The following RPL13A variants were observed in gnomAD, a reference collection of about 807,000 sequenced individuals.
RPL13A encodes large ribosomal subunit protein uL13.
Under a neutral mutation model 30.8 loss-of-function variants are expected in RPL13A, and 4 were observed. The observed-to-expected ratio is 0.13, with a 90% CI of 0.06 to 0.30. The LOEUF is 0.30. RPL13A is among the 10% of genes least tolerant of loss of function. The probability of loss-of-function intolerance (pLI) is 1.00; values close to 1 mark genes in which losing one functional copy is unlikely to be tolerated. For synonymous variants in RPL13A, 108 were observed against 104.2 expected, an observed-to-expected ratio of 1.04 and a Z score of -0.22; for missense variants, 196 against 272.6, an observed-to-expected ratio of 0.72 and a Z score of 1.98.
chr19:49,490,223 T>A lies in RPL13A; in HGVS notation c.89-9T>A. The A allele has an allele frequency of 6.2e-7, 1 of 1,613,926 alleles. No individual in the cohort carries two copies. Among genetic ancestry groups the A allele is most frequent in the Non-Finnish European group, 8.5e-7 (1 of 1,179,968 alleles). Reference sequence around the variant, plus strand: ...GGCTCGGCCCTGCTAAGCCTTTCCCTCCCTCTAGGCCGGAAGGTGGTGGTC... The same window carrying A: ...GGCTCGGCCCTGCTAAGCCTTTCCCACCCTCTAGGCCGGAAGGTGGTGGTC... On this transcript the variant is annotated splice_polypyrimidine_tract_variant and intron_variant, in intron 2 of 7. Coordinates refer to ENST00000391857, the MANE Select transcript of RPL13A (RefSeq NM_012423.4).
At chr19:49,490,885 C>T (rs754609854) in intron 5 of RPL13A, 21 bp downstream of exon 5, 2 of 1,613,658 alleles carry the variant, frequency 1.2e-6, no homozygotes, top group South Asian at 1.1e-5. Flanking sequence ...CCAAACCCCA[C>T]AGGCAGCGGC....
chr19:49,491,571 G>A, intron 7 of RPL13A, 24 bp downstream of exon 7: 8 of 1,553,840 alleles, frequency 5.1e-6, no homozygotes, highest in East Asian at 2.4e-5. Context: ...CTGGTGCTGA[G>A]GGGGGCATCT....
At chr19:49,491,336 C>G (rs185778464) in intron 6 of RPL13A, 89 bp from the exon 7 acceptor site, 20 of 1,307,638 alleles carry the variant, frequency 1.5e-5, no homozygotes, top group Non-Finnish European at 1.4e-5. Flanking sequence ...AGTCACCTCC[C>G]AGCTCTCAAC....
rs1170353817 is a variant in RPL13A, at chr19:49,490,864, G to C, written c.342G>C (p.Lys114Asn). Residue 114 changes from lysine to asparagine, a missense_variant and splice_region_variant, in exon 5 of 8, where the codon AAG becomes AAC. Lys to Asn is a moderately conservative substitution (Grantham distance 94). Coordinates refer to ENST00000391857, the MANE Select transcript of RPL13A (RefSeq NM_012423.4). The stretch of plus-strand genomic sequence containing the variant: ...ACGGCATCCCACCGCCCTACGACAA[G>C]GTGAGCTATGCCAAACCCCACAGGC... ...VFDGIPPPYD[K>N]KKRMVVPAAL... The C allele has an allele frequency of 6.2e-7, 1 of 1,614,008 alleles. No homozygotes were observed. Among genetic ancestry groups the C allele is most frequent in the African/African-American group, 1.3e-5 (1 of 74,940 alleles).
intron 6 of RPL13A, 120 bp from the exon 7 acceptor site, chr19:49,491,305 A>G (rs143993178): frequency 8.6e-7 from 1 of 1,167,448 alleles, no homozygotes. Flanking sequence ...GAACAGTTGC[A>G]TTATGATATG....
At chr19:49,491,660 G>A in intron 7 of RPL13A, 69 bp from the exon 8 acceptor site, 1 of 1,580,282 alleles carries the variant, frequency 6.3e-7, no homozygotes, top group Middle Eastern at 1.7e-4. Flanking sequence ...GTTGGGGTGG[G>A]ATGCAGTCCA....
rs778180181 is a variant in RPL13A, at chr19:49,491,048, G to A, written c.351G>A (p.Arg117=). 2 of 1,614,260 alleles carry A rather than the reference G, an allele frequency of 1.2e-6. No homozygotes were observed. Among genetic ancestry groups the A allele is most frequent in the Non-Finnish European group, 1.7e-6 (2 of 1,180,050 alleles). The change falls in exon 6 of 8, where the codon CGG becomes CGA. Residue 117 remains arginine (R), a synonymous_variant. Transcript: ENST00000391857. ...CTCTCTTTCTCTAACAGAAAAAGCG[G>A]ATGGTGGTTCCTGCTGCCCTCAAGG... ...GIPPPYDKKK[R]MVVPAALKVV...
At chr19:49,487,791 G>C in intron 1 of RPL13A, 147 bp downstream of exon 1, 3 of 873,236 alleles carry the variant, frequency 3.4e-6, no homozygotes, top group Non-Finnish European at 5.0e-6. Context: ...AGGGGAATCT[G>C]TAGGAAATGC....
intron 4 of RPL13A, 72 bp from the exon 5 acceptor site, chr19:49,490,707 G>GC (rs2079857646): frequency 6.3e-7 from 1 of 1,579,618 alleles, no homozygotes; most frequent in Non-Finnish European, 8.7e-7. Flanking sequence ...CACCCCATGG[G>GC]CCCACCTCAG....
intron 1 of RPL13A, among the ~76,000 whole-genome samples, chr19:49,488,428 C>T (rs2079830640): frequency 6.6e-6 from 1 of 152,220 alleles, no homozygotes; most frequent in Admixed American, 6.5e-5. Flanking sequence ...ATTTCAGAGC[C>T]AGGCCGATCT....
Position 49,491,413 on chromosome 19 carries a change from C to CCCCT in RPL13A, c.403-9_403-8insTCCC. The CCCCT allele has an allele frequency of 3.4e-6, 3 of 874,776 alleles. No homozygotes were observed. The highest frequency in any genetic ancestry group is 4.9e-6 in the Non-Finnish European group (3 of 607,838). The allele number at this position is 874,776 out of a possible 1,614,324, so 54.2% of individuals were successfully genotyped here. A position where few individuals can be genotyped will look rare whatever the true frequency, so the allele number is the denominator to read the frequency against. On this transcript the variant is annotated splice_polypyrimidine_tract_variant and intron_variant, in intron 6 of 7. Transcript: ENST00000391857. Reference sequence around the variant, plus strand: ...AACTTCATTTGTTCACCCCCCCCCCCCCCCCCCGCAGTTTGCCTATCTGGG... The same window carrying CCCCT: ...AACTTCATTTGTTCACCCCCCCCCCCCCCTCCCCCCCGCAGTTTGCCTATCTGGG...
In RPL13A at chr19:49,491,783, G is replaced by C. The variant is rs1377195730; in HGVS notation, c.580G>C (p.Glu194Gln). The change falls in exon 8 of 8, where the codon GAG becomes CAG. Residue 194 changes from glutamate to glutamine, a missense_variant. Physicochemically the swap from Glu to Gln is conservative, Grantham distance 29. Transcript: ENST00000391857. ...NVEKKIDKYT[E>Q]VLKTHGLLV The stretch of plus-strand genomic sequence containing the variant: ...GGAGAAGAAAATTGACAAATACACA[G>C]AGGTCCTCAAGACCCACGGACTCCT... 1.2e-6 allele frequency: 2 copies of C among 1,612,518 alleles called. No homozygotes were observed. The highest frequency in any genetic ancestry group is 1.3e-5 in the African/African-American group (1 of 74,900).
intron 1 of RPL13A, among the ~76,000 whole-genome samples, chr19:49,488,965 C>A (rs976643418): frequency 2.6e-5 from 4 of 152,208 alleles, no homozygotes; most frequent in African/African-American, 9.6e-5. Flanking sequence ...CTAGGCCTCT[C>A]AAAGTGCTGG....
intron 1 of RPL13A, among the ~76,000 whole-genome samples, chr19:49,488,361 G>A (rs1255234138): frequency 6.6e-5 from 10 of 152,174 alleles, no homozygotes; most frequent in Admixed American, 5.9e-4. Flanking sequence ...AAGTATAAAG[G>A]AGGGATTGGC....
intron 1 of RPL13A, among the ~76,000 whole-genome samples, chr19:49,489,133 C>T (rs1174695362): frequency 1.3e-5 from 2 of 152,174 alleles, no homozygotes; most frequent in African/African-American, 4.8e-5. Context: ...ACCTGAAATT[C>T]GGTTTTCTTC....
At chr19:49,491,373 C>CT (rs1050272588) in intron 6 of RPL13A, 52 bp from the exon 7 acceptor site, 21 of 1,243,408 alleles carry the variant, frequency 1.7e-5, no homozygotes, top group African/African-American at 3.2e-5. Flanking sequence ...GGTGTGGGGG[C>CT]TTAGATATCC....
At chr19:49,488,044 G>A (rs1008142511) in intron 1 of RPL13A, among the ~76,000 whole-genome samples, 1 of 152,090 alleles carries the variant, frequency 6.6e-6, no homozygotes, top group Non-Finnish European at 1.5e-5. Context: ...ACTGAGTTTT[G>A]GCCAAAATGG....
Position 49,490,284 on chromosome 19 carries a change from C to T in RPL13A, c.141C>T (p.Phe47=), listed in dbSNP as rs138796606. The T allele has an allele frequency of 6.3e-4, 1,011 of 1,614,140 alleles. No individual in the cohort carries two copies. The highest frequency in any genetic ancestry group is 8.2e-4 in the Middle Eastern group (5 of 6,062). ...RCEGINISGN[F]YRNKLKYLAF... is the part of the protein sequence containing the mutation. The stretch of plus-strand genomic sequence containing the variant: ...AAGGCATCAACATTTCTGGCAATTT[C>T]TACAGAAACAAGTGTAAGTTAGGAC... Residue 47 remains phenylalanine (F), a synonymous_variant, in exon 3 of 8, where the codon TTC becomes TTT. Coordinates refer to ENST00000391857, the MANE Select transcript of RPL13A (RefSeq NM_012423.4).
intron 6 of RPL13A, 100 bp from the exon 7 acceptor site, chr19:49,491,325 C>A: frequency 8.1e-7 from 1 of 1,234,046 alleles, no homozygotes; most frequent in Non-Finnish European, 1.2e-6. Flanking sequence ...GCCCAGCTGT[C>A]AGTCACCTCC....
Sources: allele counts gnomAD v4.1 joint callset (sites outside exome capture counted in the v4.1 genomes callset), GRCh38; gene constraint gnomAD v4.1.1; transcripts MANE v1.5; gene names NCBI Gene and HGNC (gene_info 2026-07-23, HGNC 2026-07-21).